Variants in ASH1L observed in about 807,000 individuals in gnomAD.
The protein encoded by ASH1L is histone-lysine N-methyltransferase ASH1L.
In ASH1L, 23 loss-of-function variants were observed where a neutral mutation model predicts 269.0. The ratio of observed to expected loss-of-function variants is 0.09; its 90% CI spans 0.06 to 0.12. The LOEUF (loss-of-function observed/expected upper bound fraction) is 0.12. ASH1L is among the 10% of genes least tolerant of loss of function. ASH1L has a pLI of 1.00. For synonymous variants in ASH1L, 1,187 were observed against 1,253.5 expected (o/e 0.95, Z 1.12); for missense variants, 2,912 against 3,567.8 (o/e 0.82, Z 4.68).
At chr1:155,395,326 A>C in intron 7 of ASH1L, 133 bp downstream of exon 7, 1 of 647,442 alleles carries the variant, frequency 1.5e-6, no homozygotes, top group Non-Finnish European at 2.5e-6. Flanking sequence ...GAGTAAGTTT[A>C]AGTAAAATGG....
At chr1:155,426,034 G>A (rs1431422535) in intron 5 of ASH1L, among the ~76,000 whole-genome samples, 1 of 151,706 alleles carries the variant, frequency 6.6e-6, no homozygotes, top group African/African-American at 2.4e-5. Context: ...GACTACAGGC[G>A]CCTGCCACCA....
intron 6 of ASH1L, among the ~76,000 whole-genome samples, chr1:155,413,943 G>A (rs1394415276): frequency 2.0e-5 from 3 of 152,118 alleles, no homozygotes; most frequent in South Asian, 2.1e-4. Context: ...TTAGTAAAAT[G>A]TTTTCATGAC....
At chr1:155,487,562 T>G (rs1165148902) in intron 2 of ASH1L, among the ~76,000 whole-genome samples, 2 of 152,034 alleles carry the variant, frequency 1.3e-5, no homozygotes, top group Admixed American at 6.6e-5. Flanking sequence ...GTTTTTTGGT[T>G]TTTTTGTAGA....
intron 1 of ASH1L, among the ~76,000 whole-genome samples, chr1:155,556,668 C>G (rs1214722105): frequency 6.6e-6 from 1 of 152,002 alleles, no homozygotes; most frequent in Non-Finnish European, 1.5e-5. Flanking sequence ...GTCTCGAACT[C>G]CTGACCTCGT....
rs766932827 is a variant in ASH1L at position 155,480,686 on chromosome 1, G to A, written c.2184C>T (p.Cys728=). 2 of 1,613,660 alleles carry A rather than the reference G, an allele frequency of 1.2e-6. No individual in the cohort carries two copies. Among genetic ancestry groups the A allele is most frequent in the Non-Finnish European group, 1.7e-6 (2 of 1,179,946 alleles). Residue 728 remains cysteine, a synonymous_variant, in exon 3 of 28, where the codon TGC becomes TGT. Transcript: ENST00000392403. The part of the protein sequence containing the change: ...RWTKVVARST[C]RSPKGLELER... ...CTAATTCTAGCCCTTTTGGAGACCG[G>A]CATGTGCTTCTTGCCACCACTTTAG... is the stretch of plus-strand genomic sequence containing the variant.
At chr1:155,377,952 G>A (rs1656602255) in intron 10 of ASH1L, among the ~76,000 whole-genome samples, 2 of 151,978 alleles carry the variant, frequency 1.3e-5, no homozygotes, top group Non-Finnish European at 2.9e-5. Context: ...GAACCCGGGA[G>A]GCGGAGCTTG....
intron 5 of ASH1L, among the ~76,000 whole-genome samples, chr1:155,416,922 T>C (rs1350384020): frequency 6.7e-6 from 1 of 149,714 alleles, no homozygotes; most frequent in Non-Finnish European, 1.5e-5. Flanking sequence ...TTTCTTTTCT[T>C]TCCTTTTCTT....
intron 17 of ASH1L, among the ~76,000 whole-genome samples, chr1:155,351,313 G>A (rs1244302683): frequency 6.6e-6 from 1 of 152,116 alleles, no homozygotes; most frequent in African/African-American, 2.4e-5. Flanking sequence ...ACTTTGGGAG[G>A]CTGAGGTGGG....
At chr1:155,526,339 C>T (rs1669253755) in intron 1 of ASH1L, among the ~76,000 whole-genome samples, 2 of 152,186 alleles carry the variant, frequency 1.3e-5, no homozygotes, top group Non-Finnish European at 2.9e-5. Flanking sequence ...AAACTATACA[C>T]AAGTTTTTTC....
At chr1:155,477,662 TTTC>T (rs1450034718) in intron 3 of ASH1L, among the ~76,000 whole-genome samples, 3 of 152,164 alleles carry the variant, frequency 2.0e-5, no homozygotes, top group African/African-American at 7.2e-5. Context: ...TGTATATTTC[TTTC>T]TTTTTTTCTT....
rs1656819491 is a variant in ASH1L at position 155,380,278 on chromosome 1, C to T, written c.6104-162G>A. On this transcript the variant is annotated intron_variant, in intron 7 of 27. Coordinates refer to ENST00000392403, the MANE Select transcript of ASH1L (RefSeq NM_018489.3). ...ATTTTTAATTTTAGCTCTTCTTTCC[C>T]ACTATACTCCACACGATATATGCCG... 3 of 564,480 alleles carry T rather than the reference C, an allele frequency of 5.3e-6. No individual in the cohort carries two copies. The South Asian group carries it at 7.2e-5, about 14-fold the overall frequency. The allele number at this position is 564,480 out of a possible 1,614,324, so 35.0% of individuals were successfully genotyped here. A position where few individuals can be genotyped will look rare whatever the true frequency, so the allele number is the denominator to read the frequency against.
chr1:155,425,532 G>A (rs962562089), intron 5 of ASH1L, among the ~76,000 whole-genome samples: 1 of 150,412 alleles, frequency 6.6e-6, no homozygotes, highest in Non-Finnish European at 1.5e-5. Flanking sequence ...TCTGCCTCCT[G>A]GGTTCAAGCG....
intron 2 of ASH1L, among the ~76,000 whole-genome samples, chr1:155,512,418 T>TA (rs926747079): frequency 2.4e-4 from 34 of 139,264 alleles, no homozygotes; most frequent in Middle Eastern, 3.7e-3. Flanking sequence ...CTCTGTCTTT[T>TA]AAAAAAAAAG....
intron 7 of ASH1L, among the ~76,000 whole-genome samples, chr1:155,380,699 C>CGAG (rs1317488764): frequency 1.3e-5 from 2 of 151,504 alleles, no homozygotes; most frequent in African/African-American, 4.9e-5. Context: ...GGTGCGATCT[C>CGAG]GGCTCACTGT....
At chr1:155,546,931 G>A (rs1244814032) in intron 1 of ASH1L, among the ~76,000 whole-genome samples, 1 of 149,048 alleles carries the variant, frequency 6.7e-6, no homozygotes. Flanking sequence ...AGACTACAAA[G>A]GTTTCATCAC....
chr1:155,488,118 C>T (rs1451982909), intron 2 of ASH1L, among the ~76,000 whole-genome samples: 2 of 150,088 alleles, frequency 1.3e-5, no homozygotes, highest in African/African-American at 2.4e-5. Flanking sequence ...AACTCCTGAC[C>T]TCGTGATCCA....
At chr1:155,345,766 G>A (rs1393224340) in intron 21 of ASH1L, among the ~76,000 whole-genome samples, 2 of 150,628 alleles carry the variant, frequency 1.3e-5, no homozygotes, top group Non-Finnish European at 3.0e-5. Context: ...GTAGAGACAG[G>A]GTTTCACCAT....
chr1:155,423,932 G>A lies in ASH1L; in HGVS notation c.5829-8009C>T, dbSNP rs1359854756. Reference sequence around the variant, plus strand: ...AGTAGAGACAGGGTTTCACCATGTCGGCCAGGCTGGTCTCGAACTCCTGAC... The same window carrying A: ...AGTAGAGACAGGGTTTCACCATGTCAGCCAGGCTGGTCTCGAACTCCTGAC... On this transcript the variant is annotated intron_variant, in intron 5 of 27. Coordinates refer to ENST00000392403, the MANE Select transcript of ASH1L (RefSeq NM_018489.3). Among the ~76,000 whole-genome samples, 5 of 151,872 alleles carry A rather than the reference G, an allele frequency of 3.3e-5. No individual in the cohort carries two copies. In the South Asian group the frequency reaches 6.2e-4, roughly 19 times the overall value.
intron 2 of ASH1L, among the ~76,000 whole-genome samples, chr1:155,490,515 G>A (rs1197727128): frequency 6.6e-6 from 1 of 151,484 alleles, no homozygotes; most frequent in Non-Finnish European, 1.5e-5. Context: ...AGCTTCTGAG[G>A]TAGGCTGAGG....
Sources: allele counts gnomAD v4.1 joint callset (sites outside exome capture counted in the v4.1 genomes callset), GRCh38; gene constraint gnomAD v4.1.1; transcripts MANE v1.5; gene names NCBI Gene and HGNC (gene_info 2026-07-23, HGNC 2026-07-21).